GRIK3: variants seen among roughly 807,000 people sequenced by gnomAD.
GRIK3 encodes the protein glutamate ionotropic receptor kainate type subunit 3, also known as glutamate receptor ionotropic, kainate 3.
In GRIK3, 29 loss-of-function variants were observed where a neutral mutation model predicts 102.5. That is an observed-to-expected ratio of 0.28 (90% CI 0.21 to 0.39). GRIK3 has a LOEUF of 0.39. Ranked by LOEUF, GRIK3 falls within the 10% of genes least tolerant of loss-of-function variation. The probability of loss-of-function intolerance (pLI) is 1.00; values close to 1 mark genes in which losing one functional copy is unlikely to be tolerated. For missense variants in GRIK3, 908 were observed against 1,252.4 expected (o/e 0.73, Z 4.15); for synonymous variants, 511 against 504.9 (o/e 1.01, Z -0.16).
At chr1:37,014,895 C>A (rs1390084750) in intron 1 of GRIK3, among the ~76,000 whole-genome samples, 1 of 138,788 alleles carries the variant, frequency 7.2e-6, no homozygotes, top group Non-Finnish European at 1.6e-5. Flanking sequence ...TCTCTTCTCT[C>A]TCTCTATCTC....
intron 5 of GRIK3, among the ~76,000 whole-genome samples, chr1:36,868,556 C>T (rs757602011): frequency 9.2e-5 from 14 of 152,198 alleles, no homozygotes; most frequent in Admixed American, 6.5e-5. Flanking sequence ...AGCATTTGCT[C>T]ACTTCCATTG....
chr1:36,815,064 C>T (rs911301882), intron 13 of GRIK3, among the ~76,000 whole-genome samples: 5 of 152,226 alleles, frequency 3.3e-5, no homozygotes, highest in Admixed American at 2.6e-4. Context: ...ACATGTGAAG[C>T]CATGCATGTA....
In GRIK3 at chr1:36,841,659, C is replaced by T. The variant is rs568947825; in HGVS notation, c.1530+77G>A. The T allele has an allele frequency of 3.8e-5, 49 of 1,273,874 alleles. No homozygotes were observed. In the South Asian group the frequency reaches 5.7e-4, roughly 15 times the overall value. 78.9% of individuals were successfully genotyped at this position (1,273,874 alleles called of 1,614,324 possible). ...CAGGGCCTTTTTCTGCCAGGCTGCC[C>T]AGCCCTGTGGTGCAGACAGTTCTAG... On this transcript the variant is annotated intron_variant, in intron 10 of 15. Coordinates refer to ENST00000373091, the MANE Select transcript of GRIK3 (RefSeq NM_000831.4).
At chr1:36,810,017 G>T (rs530826397) in intron 13 of GRIK3, among the ~76,000 whole-genome samples, 1 of 152,148 alleles carries the variant, frequency 6.6e-6, no homozygotes, top group Non-Finnish European at 1.5e-5. Context: ...CTTGTCTTCT[G>T]TCTTGGGGCC....
intron 1 of GRIK3, among the ~76,000 whole-genome samples, chr1:36,994,331 C>T (rs574607675): frequency 3.3e-5 from 5 of 152,256 alleles, no homozygotes; most frequent in Non-Finnish European, 7.3e-5. Context: ...TTAGGTAATA[C>T]AGGCTCTGCC....
At chr1:36,865,511 C>G (rs1557707237) in intron 5 of GRIK3, among the ~76,000 whole-genome samples, 1 of 152,156 alleles carries the variant, frequency 6.6e-6, no homozygotes, top group African/African-American at 2.4e-5. Context: ...TCCTGAAGAC[C>G]GGAAGCAGGA....
At chr1:36,927,009 C>T (rs1641534369) in intron 1 of GRIK3, among the ~76,000 whole-genome samples, 1 of 152,204 alleles carries the variant, frequency 6.6e-6, no homozygotes. Context: ...ATTTCCCTTC[C>T]CCAGGTACTG....
chr1:37,003,165 T>C (rs1447427706), intron 1 of GRIK3, among the ~76,000 whole-genome samples: 1 of 152,124 alleles, frequency 6.6e-6, no homozygotes, highest in Non-Finnish European at 1.5e-5. Flanking sequence ...CATCATGACT[T>C]AACTATAGCA....
At chr1:36,805,338 G>T in intron 14 of GRIK3, 101 bp from the exon 15 acceptor site, 2 of 1,250,854 alleles carry the variant, frequency 1.6e-6, no homozygotes, top group South Asian at 1.5e-5. Context: ...TAGCCCTCTG[G>T]ATCAGCTCAT....
chr1:36,847,644 T>C (rs1640533773), intron 9 of GRIK3, among the ~76,000 whole-genome samples: 1 of 152,202 alleles, frequency 6.6e-6, no homozygotes, highest in Non-Finnish European at 1.5e-5. Flanking sequence ...GCCACTTAAT[T>C]AATCATTCAT....
intron 5 of GRIK3, among the ~76,000 whole-genome samples, chr1:36,869,299 G>A (rs1640818557): frequency 6.6e-6 from 1 of 152,168 alleles, no homozygotes; most frequent in African/African-American, 2.4e-5. Context: ...TGAGGCCCGA[G>A]ATATGCGTGG....
intron 10 of GRIK3, among the ~76,000 whole-genome samples, chr1:36,829,044 T>C (rs1642785370): frequency 6.6e-6 from 1 of 152,244 alleles, no homozygotes; most frequent in African/African-American, 2.4e-5. Context: ...GCAAGACAAC[T>C]GGCCAATATG....
At chr1:36,925,861 A>G (rs1641521822) in intron 1 of GRIK3, among the ~76,000 whole-genome samples, 1 of 152,156 alleles carries the variant, frequency 6.6e-6, no homozygotes, top group African/African-American at 2.4e-5. Flanking sequence ...CTTGGTCCCC[A>G]CTGGCCTGGT....
In GRIK3 at chr1:36,850,358, C is replaced by T. The variant is rs762821627; in HGVS notation, c.1279G>A (p.Val427Ile). 6 of 1,613,400 alleles carry T rather than the reference C, an allele frequency of 3.7e-6. No homozygotes were observed. The highest frequency in any genetic ancestry group is 4.2e-6 in the Non-Finnish European group (5 of 1,179,480). Residue 427 changes from valine (V) to isoleucine (I), a missense_variant, in exon 9 of 16, where the codon GTC becomes ATC. By Grantham distance (29) the Val-to-Ile change is conservative (BLOSUM62 3). Transcript: ENST00000373091. This position sits in a 1 kb window ranked among gnomAD's most constrained non-coding sequence, Gnocchi z 4.0. Reference sequence around the variant, plus strand: ...GATCTGTTTGTCAGAGAGTCGGTGACATTAGGGCCTCGGCCTTTGGCAACC... The same window carrying T: ...GATCTGTTTGTCAGAGAGTCGGTGATATTAGGGCCTCGGCCTTTGGCAACC... ...TEVAKGRGPN[V>I]TDSLTNRSLI...
At chr1:36,991,413 C>T (rs530198745) in intron 1 of GRIK3, among the ~76,000 whole-genome samples, 136 of 152,370 alleles carry the variant, frequency 8.9e-4, no homozygotes, top group Non-Finnish European at 8.8e-5. Flanking sequence ...CAGCCTCAAC[C>T]ACAGAGTAGG....
chr1:36,821,127 C>G (rs560044781), intron 11 of GRIK3, among the ~76,000 whole-genome samples: 1 of 152,240 alleles, frequency 6.6e-6, no homozygotes, highest in East Asian at 1.9e-4. Flanking sequence ...TTTCTGTCTC[C>G]CTTCTAAAAG....
chr1:37,014,881 C>A (rs1642637412), intron 1 of GRIK3, among the ~76,000 whole-genome samples: 1 of 151,406 alleles, frequency 6.6e-6, no homozygotes, highest in African/African-American at 2.4e-5. Context: ...CTTTTCTCAT[C>A]TATTCTCTTC....
chr1:36,831,422 A>G (rs942972), intron 10 of GRIK3, among the ~76,000 whole-genome samples: 23,477 of 152,214 alleles, frequency 0.15, 1,954 homozygotes, highest in African/African-American at 0.19. Flanking sequence ...GACTATTCCC[A>G]GGGGACTCTG....
chr1:36,982,423 G>A (rs1458020002), intron 1 of GRIK3, among the ~76,000 whole-genome samples: 1 of 152,258 alleles, frequency 6.6e-6, no homozygotes, highest in Non-Finnish European at 1.5e-5. Flanking sequence ...TCTGCCAGCA[G>A]CTGAAAGCCT....
Sources: gnomAD v4.1 joint callset for allele counts (sites outside exome capture counted in the v4.1 genomes callset) on GRCh38, gnomAD v4.1.1 for gene constraint, Gnocchi (gnomAD v3.1) non-coding constraint, MANE v1.5 for transcripts, NCBI Gene and HGNC (gene_info 2026-07-23, HGNC 2026-07-21) for gene names.